Variants in RGS7 observed in about 807,000 individuals in gnomAD.
The protein encoded by RGS7 is regulator of G protein signaling 7.
In RGS7, 27 loss-of-function variants were observed where a neutral mutation model predicts 81.1. The ratio of observed to expected loss-of-function variants is 0.33; its 90% CI spans 0.25 to 0.46. RGS7 has a LOEUF of 0.46. Ranked by LOEUF, RGS7 falls within the 20% of genes least tolerant of loss-of-function variation. The pLI is 1.00. For missense variants in RGS7, 396 were observed against 607.4 expected (o/e 0.65, Z 3.66); for synonymous variants, 208 against 207.7 (o/e 1.00, Z -0.01).
chr1:241,091,368 G>A lies in RGS7; in HGVS notation c.175+7298C>T, dbSNP rs181442417. Among the ~76,000 whole-genome samples, 147 of 151,972 alleles carry A rather than the reference G, an allele frequency of 9.7e-4. No individual in the cohort carries two copies. The East Asian group carries it at 0.011, about 11-fold the overall frequency. ...TCGAGACCATCTTGGCTAACACGGT[G>A]AAACCCCGTCTCTATTAAAAATACA... On this transcript the variant is annotated intron_variant, in intron 3 of 18. Coordinates refer to ENST00000440928, the MANE Select transcript of RGS7 (RefSeq NM_001364886.1).
At chr1:240,813,859 C>A in intron 12 of RGS7, 131 bp from the exon 13 acceptor site, 2 of 685,106 alleles carry the variant, frequency 2.9e-6, no homozygotes, top group Non-Finnish European at 2.7e-6. Flanking sequence ...AATCCAATGG[C>A]AATCTTCACG....
chr1:240,892,916 T>C (rs528269218), intron 6 of RGS7, among the ~76,000 whole-genome samples: 1 of 152,308 alleles, frequency 6.6e-6, no homozygotes, highest in South Asian at 2.1e-4. Flanking sequence ...AATCTGAGTA[T>C]AGATACTTAG....
intron 2 of RGS7, among the ~76,000 whole-genome samples, chr1:241,120,085 G>A (rs1257400955): frequency 1.3e-5 from 2 of 152,128 alleles, no homozygotes; most frequent in Non-Finnish European, 2.9e-5. Context: ...TTAGGATAAA[G>A]CTCAAAGTAC....
intron 2 of RGS7, among the ~76,000 whole-genome samples, chr1:241,196,131 G>A (rs1404850011): frequency 6.6e-6 from 1 of 152,002 alleles, no homozygotes; most frequent in Non-Finnish European, 1.5e-5. Flanking sequence ...TCAAAGGGGG[G>A]ACAATAAGAA....
At chr1:241,307,296 G>T (rs762800473) in intron 2 of RGS7, among the ~76,000 whole-genome samples, 9 of 152,116 alleles carry the variant, frequency 5.9e-5, no homozygotes, top group Non-Finnish European at 1.3e-4. Flanking sequence ...CTAAATTCAT[G>T]CGCCTATTAA....
At chr1:240,870,987 T>C (rs1188186156) in intron 6 of RGS7, among the ~76,000 whole-genome samples, 1 of 152,176 alleles carries the variant, frequency 6.6e-6, no homozygotes, top group African/African-American at 2.4e-5. Flanking sequence ...TGGCCTGGGC[T>C]ACCATGGAAA....
intron 6 of RGS7, among the ~76,000 whole-genome samples, chr1:240,884,202 T>C (rs1382400020): frequency 1.3e-5 from 2 of 152,016 alleles, no homozygotes; most frequent in Non-Finnish European, 2.9e-5. Flanking sequence ...ATAAGCTTCA[T>C]TCAGGCATGA....
chr1:240,806,021 A>G, intron 15 of RGS7, 119 bp downstream of exon 15: 1 of 872,436 alleles, frequency 1.1e-6, no homozygotes. Flanking sequence ...GTTATTTTAC[A>G]GTTATCTAAA....
At chr1:241,180,641 C>T (rs2071541503) in intron 2 of RGS7, among the ~76,000 whole-genome samples, 2 of 152,134 alleles carry the variant, frequency 1.3e-5, no homozygotes, top group Admixed American at 6.5e-5. Flanking sequence ...ATTTTCTATC[C>T]CTGTAATTAC....
intron 2 of RGS7, among the ~76,000 whole-genome samples, chr1:241,332,753 T>C (rs931365434): frequency 6.6e-6 from 1 of 152,240 alleles, no homozygotes; most frequent in Non-Finnish European, 1.5e-5. Flanking sequence ...CAGCTTCACC[T>C]TCTTTGGCGA....
intron 4 of RGS7, among the ~76,000 whole-genome samples, chr1:240,944,278 GTGTGTATATATATATATATATATATATA>G (rs1478666884): frequency 4.9e-5 from 1 of 20,462 alleles, no homozygotes; most frequent in African/African-American, 1.5e-4. Flanking sequence ...GTGTGTGTGT[GTGTGTATATATATATATATATATATATA>G]TATATATATA....
At chr1:241,160,110 CA>C (rs369734662) in intron 2 of RGS7, among the ~76,000 whole-genome samples, 1,199 of 56,166 alleles carry the variant, frequency 0.021, 4 homozygotes, top group African/African-American at 0.037. Flanking sequence ...GACTCCATCT[CA>C]AAAAAAAAAA....
rs938983676 is a variant in RGS7, at chr1:241,164,511, T to C, written c.79-65749A>G. Among the ~76,000 whole-genome samples the C allele has an allele frequency of 1.3e-5, 2 of 152,146 alleles. No individual in the cohort carries two copies. The highest frequency in any genetic ancestry group is 2.9e-5 in the Non-Finnish European group (2 of 68,006). On this transcript the variant is annotated intron_variant, in intron 2 of 18. Coordinates refer to ENST00000440928, the MANE Select transcript of RGS7 (RefSeq NM_001364886.1). This position sits in a 1 kb window ranked among gnomAD's most constrained non-coding sequence, Gnocchi z 4.1. ...TACAAAAAGACATCACTTCGGAGAT[T>C]CTAAGGATTTTAGGAGTTGTATGTT...
intron 9 of RGS7, among the ~76,000 whole-genome samples, chr1:240,849,711 A>T (rs761589988): frequency 6.6e-6 from 1 of 152,012 alleles, no homozygotes; most frequent in Non-Finnish European, 1.5e-5. Context: ...TCACTGTGTG[A>T]TGTGCCTGCT....
At chr1:240,918,113 C>T (rs1014046135) in intron 6 of RGS7, among the ~76,000 whole-genome samples, 1 of 152,096 alleles carries the variant, frequency 6.6e-6, no homozygotes, top group Non-Finnish European at 1.5e-5. Context: ...GAGGTAAAAA[C>T]TGACAGATTA....
chr1:240,999,692 C>T (rs749405520), intron 3 of RGS7, among the ~76,000 whole-genome samples: 2 of 152,120 alleles, frequency 1.3e-5, no homozygotes, highest in South Asian at 4.1e-4. Flanking sequence ...CATCTACCTC[C>T]CAGGCTCAAA....
At chr1:241,176,095 A>T (rs1378815057) in intron 2 of RGS7, among the ~76,000 whole-genome samples, 3 of 152,152 alleles carry the variant, frequency 2.0e-5, no homozygotes, top group Non-Finnish European at 4.4e-5. Context: ...TGAACACTTA[A>T]GTCAACTGGC....
At chr1:241,310,961 C>T (rs1177436304) in intron 2 of RGS7, among the ~76,000 whole-genome samples, 1 of 152,154 alleles carries the variant, frequency 6.6e-6, no homozygotes, top group Non-Finnish European at 1.5e-5. Context: ...TGGTGGAATG[C>T]AATGGAAGAC....
At chr1:241,048,901 C>T (rs1375427899) in intron 3 of RGS7, among the ~76,000 whole-genome samples, 1 of 152,200 alleles carries the variant, frequency 6.6e-6, no homozygotes, top group African/African-American at 2.4e-5. Context: ...CAAGGGCGAT[C>T]TCCCTGCCTC....
Sources: gnomAD v4.1 joint callset for allele counts (sites outside exome capture counted in the v4.1 genomes callset) on GRCh38, gnomAD v4.1.1 for gene constraint, Gnocchi (gnomAD v3.1) non-coding constraint, MANE v1.5 for transcripts, NCBI Gene and HGNC (gene_info 2026-07-23, HGNC 2026-07-21) for gene names.